THNSL1: variants seen among roughly 807,000 people sequenced by gnomAD.
The protein encoded by THNSL1 is threonine synthase like 1.
Under a neutral mutation model 50.4 loss-of-function variants are expected in THNSL1, and 48 were observed. The observed-to-expected ratio is 0.95, with a 90% CI of 0.76 to 1.21. THNSL1 has a LOEUF of 1.21. Ranked by LOEUF, THNSL1 falls within the 50% of genes most tolerant of loss-of-function variation. THNSL1 has a pLI of 0.00. For synonymous variants in THNSL1, 309 were observed against 306.1 expected (o/e 1.01, Z -0.10); for missense variants, 896 against 871.7 (o/e 1.03, Z -0.35).
At chr10:25,019,759 C>T (rs981610841) in intron 1 of THNSL1, among the ~76,000 whole-genome samples, 14 of 152,178 alleles carry the variant, frequency 9.2e-5, no homozygotes, top group Admixed American at 9.2e-4. Context: ...TTGTTAAACA[C>T]ATGAAAGAGA....
At chr10:25,018,070 G>C (rs1172387143) in intron 1 of THNSL1, among the ~76,000 whole-genome samples, 2 of 152,042 alleles carry the variant, frequency 1.3e-5, no homozygotes, top group Non-Finnish European at 1.5e-5. Flanking sequence ...TGATGTTCTG[G>C]GGTTACTGAA....
At chr10:25,019,392 T>G (rs1314707999) in intron 1 of THNSL1, among the ~76,000 whole-genome samples, 2 of 152,146 alleles carry the variant, frequency 1.3e-5, no homozygotes, top group Non-Finnish European at 2.9e-5. Flanking sequence ...GAGGATTGCT[T>G]GAGCCTAGGA....
At chr10:24,996,686 C>G in the THNSL1 span, among the ~76,000 whole-genome samples, 1 of 152,138 alleles carries the variant, frequency 6.6e-6, no homozygotes, top group Non-Finnish European at 1.5e-5. Flanking sequence ...TTACTAAGGA[C>G]TGACTTTATT....
the THNSL1 span, chr10:24,952,400 C>G: frequency 2.7e-6 from 3 of 1,131,912 alleles, no homozygotes; most frequent in Non-Finnish European, 3.9e-6. This position sits in a 1 kb window ranked among gnomAD's most constrained non-coding sequence, Gnocchi z 5.1. Context: ...AAGCGATCCC[C>G]GCCGGGAGGG....
the THNSL1 span, among the ~76,000 whole-genome samples, chr10:24,994,863 A>G: frequency 3.9e-5 from 6 of 152,136 alleles, 1 homozygote; most frequent in African/African-American, 1.2e-4. Context: ...TCTACTAAAT[A>G]TACAAAAAAA....
At position 25,023,984 on chromosome 10, in the gene THNSL1, C is replaced by G; in HGVS notation, c.761C>G (p.Ala254Gly). ...GTTTCAGCAAAATTCTTTAGTGAAG[C>G]TGTAATTGAGGGGTTGGCTTCTGAT... Reference protein sequence around the residue: ...QKVSAKFFSEAVIEGLASDGG... With the variant: ...QKVSAKFFSEGVIEGLASDGG... The change falls in exon 3 of 3, where the codon GCT (alanine) becomes GGT (glycine). Residue 254 changes from alanine to glycine, a missense_variant. Transcript: ENST00000376356. The G allele has an allele frequency of 6.2e-7, 1 of 1,614,148 alleles. No homozygotes were observed.
chr10:24,963,214 A>G, the THNSL1 span, among the ~76,000 whole-genome samples: 3 of 152,222 alleles, frequency 2.0e-5, no homozygotes, highest in Non-Finnish European at 2.9e-5. Flanking sequence ...TAAGCGATAT[A>G]GACAGAATGC....
At chr10:24,996,360 T>C in the THNSL1 span, among the ~76,000 whole-genome samples, 5 of 152,030 alleles carry the variant, frequency 3.3e-5, no homozygotes, top group Admixed American at 2.0e-4. Context: ...AGGCGGAGGT[T>C]GCAGTGAACC....
chr10:24,980,721 T>C, the THNSL1 span, among the ~76,000 whole-genome samples: 3 of 152,056 alleles, frequency 2.0e-5, no homozygotes, highest in African/African-American at 4.8e-5. Flanking sequence ...TTTTGTTTGT[T>C]TGTTTGTTTG....
the THNSL1 span, among the ~76,000 whole-genome samples, chr10:25,004,813 T>A: frequency 2.0e-5 from 3 of 152,206 alleles, no homozygotes; most frequent in African/African-American, 7.2e-5. Flanking sequence ...GCTTTTGGCA[T>A]CTTCATCATT....
At chr10:24,992,207 T>A in the THNSL1 span, among the ~76,000 whole-genome samples, 1 of 152,222 alleles carries the variant, frequency 6.6e-6, no homozygotes, top group Non-Finnish European at 1.5e-5. Context: ...AAAGTTTCCG[T>A]CTTCAGGGAA....
chr10:24,968,825 A>G, the THNSL1 span, among the ~76,000 whole-genome samples: 1 of 152,260 alleles, frequency 6.6e-6, no homozygotes, highest in Admixed American at 6.5e-5. Flanking sequence ...TTGGAGAGAC[A>G]GAAGTCGAAT....
chr10:24,960,602 T>A, the THNSL1 span, among the ~76,000 whole-genome samples: 2 of 151,800 alleles, frequency 1.3e-5, no homozygotes, highest in African/African-American at 4.8e-5. Context: ...AATTTTTGTA[T>A]TTTTAATAGA....
upstream of THNSL1, chr10:25,016,127 T>C: frequency 8.0e-7 from 1 of 1,254,778 alleles, no homozygotes; most frequent in East Asian, 3.2e-5. Context: ...AACACCCTAT[T>C]TCTCTCCGGA....
chr10:25,008,613 C>T, the THNSL1 span, among the ~76,000 whole-genome samples: 1 of 152,176 alleles, frequency 6.6e-6, no homozygotes, highest in Non-Finnish European at 1.5e-5. Flanking sequence ...AACAGAACCA[C>T]ATTAAACAAA....
rs1179458233 is a variant in THNSL1 at position 25,021,201 on chromosome 10, T to TA, written c.-215-540dup. Reference sequence around the variant, plus strand: ...GTCAGTGAGTGACAATGATTAATCTTACTGTAAATATTTTGTGCTAACCAC... The same window carrying TA: ...GTCAGTGAGTGACAATGATTAATCTTAACTGTAAATATTTTGTGCTAACCAC... On this transcript the variant is annotated intron_variant, in intron 1 of 2. Coordinates refer to ENST00000376356, the MANE Select transcript of THNSL1 (RefSeq NM_024838.5). Among the ~76,000 whole-genome samples the TA allele has an allele frequency of 9.2e-5, 14 of 152,324 alleles. No homozygotes were observed. In the East Asian group the frequency reaches 2.7e-3, roughly 29 times the overall value.
the THNSL1 span, among the ~76,000 whole-genome samples, chr10:24,988,244 ATATATATGTGTATATATATATT>A: frequency 5.0e-4 from 70 of 140,696 alleles, no homozygotes; most frequent in African/African-American, 1.9e-3. Context: ...GTATATATAT[ATATATATGTGTATATATATATT>A]TATATATATG....
the THNSL1 span, chr10:24,952,393 C>G: frequency 1.9e-6 from 2 of 1,043,718 alleles, no homozygotes; most frequent in East Asian, 2.7e-5. This position sits in a 1 kb window ranked among gnomAD's most constrained non-coding sequence, Gnocchi z 5.1. Context: ...AGGATGGAAG[C>G]GATCCCCGCC....
the THNSL1 span, chr10:24,999,371 A>C: frequency 6.4e-7 from 1 of 1,567,012 alleles, no homozygotes; most frequent in Non-Finnish European, 8.6e-7. Context: ...AATGCTTTTA[A>C]TATTAAAAAT....
Sources: allele counts gnomAD v4.1 joint callset (sites outside exome capture counted in the v4.1 genomes callset), GRCh38; gene constraint gnomAD v4.1.1; non-coding constraint Gnocchi (gnomAD v3.1); transcripts MANE v1.5; gene names NCBI Gene and HGNC (gene_info 2026-07-23, HGNC 2026-07-21).